LIMCH1: variants seen among roughly 807,000 people sequenced by gnomAD.
LIMCH1 encodes the protein LIM and calponin homology domains-containing protein 1.
Under a neutral mutation model 176.5 loss-of-function variants are expected in LIMCH1, and 113 were observed. The observed-to-expected ratio is 0.64, with a 90% CI of 0.55 to 0.75. The LOEUF (loss-of-function observed/expected upper bound fraction) is 0.75, where lower values mean the gene tolerates loss of function less well. Ranked by LOEUF, LIMCH1 falls within the 30% of genes least tolerant of loss-of-function variation. LIMCH1 has a pLI of 0.00. For synonymous variants in LIMCH1, 619 were observed against 645.9 expected, an observed-to-expected ratio of 0.96 and a Z score of 0.63; for missense variants, 1,674 against 1,814.9, an observed-to-expected ratio of 0.92 and a Z score of 1.41.
intron 1 of LIMCH1, among the ~76,000 whole-genome samples, chr4:41,419,693 TTCCTTCCTTCCTTCCTTCCTTCCTTCC>T (rs2060420547): frequency 1.2e-5 from 1 of 81,552 alleles, no homozygotes; most frequent in African/African-American, 8.0e-5. Context: ...CCTTCCTTCC[TTCCTTCCTTCCTTCCTTCCTTCCTTCC>T]TCCTTCCTTT....
In LIMCH1 at chr4:41,696,603, A is replaced by T. The variant is rs182571324; in HGVS notation, c.4379-557A>T. Among the ~76,000 whole-genome samples the T allele has an allele frequency of 3.3e-5, 5 of 152,306 alleles. No homozygotes were observed. The East Asian group carries it at 7.7e-4, about 24-fold the overall frequency. Reference sequence around the variant, plus strand: ...ATATTGCATGCTCTGGATTTAACATAAGTATGTCCCAAATATCATATGGAT... The same window carrying T: ...ATATTGCATGCTCTGGATTTAACATTAGTATGTCCCAAATATCATATGGAT... On this transcript the variant is annotated intron_variant, in intron 31 of 31. Transcript: ENST00000503057.
At chr4:41,482,188 C>G (rs750382327) in intron 1 of LIMCH1, among the ~76,000 whole-genome samples, 4 of 152,012 alleles carry the variant, frequency 2.6e-5, no homozygotes, top group Non-Finnish European at 5.9e-5. Context: ...CTTAGGTACC[C>G]AAGTAGAGAT....
At chr4:41,377,023 A>G (rs2054867218) in intron 1 of LIMCH1, among the ~76,000 whole-genome samples, 1 of 152,250 alleles carries the variant, frequency 6.6e-6, no homozygotes, top group Non-Finnish European at 1.5e-5. Flanking sequence ...TTGAGCTCCC[A>G]AGGTATGTAA....
At chr4:41,646,054 C>T (rs201953172) in intron 15 of LIMCH1, 69 bp from the exon 16 acceptor site, 116 of 1,487,446 alleles carry the variant, frequency 7.8e-5, no homozygotes, top group Admixed American at 6.1e-4. Flanking sequence ...AATGACTAAA[C>T]TCTGAAGAAT....
At chr4:41,564,438 T>C (rs2082446879) in intron 1 of LIMCH1, among the ~76,000 whole-genome samples, 1 of 152,206 alleles carries the variant, frequency 6.6e-6, no homozygotes, top group Non-Finnish European at 1.5e-5. Context: ...TAGTAAATAC[T>C]TATTGAGTAC....
chr4:41,466,164 G>A (rs946878927), intron 1 of LIMCH1, among the ~76,000 whole-genome samples: 7 of 152,082 alleles, frequency 4.6e-5, no homozygotes, highest in Admixed American at 4.6e-4. Context: ...TCACCATGTT[G>A]GCCAGGATGG....
At position 41,360,925 on chromosome 4, in the gene LIMCH1, A is replaced by T. The variant is rs2051885301; in HGVS notation, c.85A>T (p.Lys29Ter). 7 of 1,582,298 alleles carry T rather than the reference A, an allele frequency of 4.4e-6. No individual in the cohort carries two copies. The highest frequency in any genetic ancestry group is 4.3e-6 in the Non-Finnish European group (5 of 1,167,552). The change falls in exon 1 of 27, where the codon AAG becomes TAG. Residue 29 changes from lysine (K) to a stop codon, truncating the protein, a stop_gained. Transcript: ENST00000313860. LOFTEE classifies it high-confidence loss of function. The surrounding 1 kb of genome is among the most constrained non-coding windows in gnomAD (Gnocchi z 4.5). Reference sequence around the variant, plus strand: ...CGAGCCCGCCTTCTCCGAGGCGCAGAAGTGGATTGAGGTAGGTGCGGGTGG... The same window carrying T: ...CGAGCCCGCCTTCTCCGAGGCGCAGTAGTGGATTGAGGTAGGTGCGGGTGG...
At chr4:41,429,817 G>A (rs1360278432) in intron 1 of LIMCH1, among the ~76,000 whole-genome samples, 1 of 152,172 alleles carries the variant, frequency 6.6e-6, no homozygotes. Context: ...CTTCATGTAG[G>A]CCTTCATGTA....
rs1376214930 is a variant in LIMCH1 at position 41,599,006 on chromosome 4, A to C, written c.-154A>C. ...TTGACCCGAGTGACCTCCAGGATAC[A>C]TCCAACAGAGTAACAGTCAAGTAAG... On this transcript the variant is annotated 5_prime_UTR_variant, in exon 2 of 32. Transcript: ENST00000503057. 1 of 1,608,802 alleles carries C rather than the reference A, an allele frequency of 6.2e-7. No homozygotes were observed. The highest frequency in any genetic ancestry group is 1.3e-5 in the African/African-American group (1 of 74,802).
chr4:41,692,143 C>T (rs1331674480), intron 30 of LIMCH1, 139 bp from the exon 31 acceptor site: 2 of 609,666 alleles, frequency 3.3e-6, no homozygotes, highest in Non-Finnish European at 5.9e-6. Context: ...ACTGGTGCAG[C>T]ATCTTACACA....
intron 1 of LIMCH1, among the ~76,000 whole-genome samples, chr4:41,471,117 A>T (rs936379316): frequency 1.3e-5 from 2 of 151,446 alleles, no homozygotes; most frequent in Non-Finnish European, 2.9e-5. Context: ...TAAAATAGTC[A>T]TGTGAAAAAT....
At chr4:41,399,326 AG>A (rs1329124991) in intron 1 of LIMCH1, among the ~76,000 whole-genome samples, 1 of 152,190 alleles carries the variant, frequency 6.6e-6, no homozygotes, top group African/African-American at 2.4e-5. Context: ...GAGAGGATGA[AG>A]GGGGCAGAGA....
chr4:41,401,089 C>T (rs953517174), intron 1 of LIMCH1, among the ~76,000 whole-genome samples: 1 of 152,158 alleles, frequency 6.6e-6, no homozygotes, highest in Non-Finnish European at 1.5e-5. Context: ...TGGTGTTTTA[C>T]ACATGAAGTC....
rs577672595 is a variant in LIMCH1, at chr4:41,504,620, C to T, written c.167+10014C>T. 5.9e-5 allele frequency among the ~76,000 whole-genome samples: 9 copies of T among 152,300 alleles called. No homozygotes were observed. In the East Asian group the frequency reaches 7.7e-4, roughly 13 times the overall value. On this transcript the variant is annotated intron_variant, in intron 2 of 26. Transcript: ENST00000313860. The stretch of plus-strand genomic sequence containing the variant: ...ACTCTTCATGGCTATTTGTAGCTTG[C>T]GCATAGAGAAATGCAAAGCCAAGTT...
chr4:41,652,320 C>CAAATGGG (rs1388661880), intron 18 of LIMCH1, among the ~76,000 whole-genome samples: 1 of 151,996 alleles, frequency 6.6e-6, no homozygotes, highest in East Asian at 1.9e-4. Flanking sequence ...GAAAGAGATT[C>CAAATGGG]AAATGGGAGT....
intron 1 of LIMCH1, among the ~76,000 whole-genome samples, chr4:41,542,856 C>T (rs952402810): frequency 5.3e-5 from 8 of 152,102 alleles, no homozygotes; most frequent in Non-Finnish European, 7.4e-5. Flanking sequence ...TATGAGTCAA[C>T]GCCAATAAAT....
chr4:41,380,501 G>A lies in LIMCH1; in HGVS notation c.96+19565G>A, dbSNP rs993840701. On this transcript the variant is annotated intron_variant, in intron 1 of 26. Coordinates refer to the LIMCH1 transcript ENST00000313860. ...TCTTTTTTTTTTTTTAGATAAGCAT[G>A]TAATAATAATTACTGCCTCCCTGCT... is the stretch of plus-strand genomic sequence containing the variant. 4.7e-5 allele frequency among the ~76,000 whole-genome samples: 7 copies of A among 150,476 alleles called. 1 individual carries two copies. The highest frequency in any genetic ancestry group is 1.7e-4 in the African/African-American group (7 of 40,912).
At chr4:41,492,708 A>T (rs2071314890) in intron 1 of LIMCH1, among the ~76,000 whole-genome samples, 1 of 152,164 alleles carries the variant, frequency 6.6e-6, no homozygotes, top group African/African-American at 2.4e-5. Context: ...TTGAAGAGAG[A>T]TATATAAATC....
At chr4:41,459,532 G>T (rs972115806) in intron 1 of LIMCH1, among the ~76,000 whole-genome samples, 10 of 152,130 alleles carry the variant, frequency 6.6e-5, no homozygotes, top group Non-Finnish European at 1.5e-4. Context: ...GAACTTCTGG[G>T]CTCAAGCAGT....
Sources: gnomAD v4.1 joint callset for allele counts (sites outside exome capture counted in the v4.1 genomes callset) on GRCh38, gnomAD v4.1.1 for gene constraint, Gnocchi (gnomAD v3.1) non-coding constraint, MANE v1.5 for transcripts, NCBI Gene and HGNC (gene_info 2026-07-23, HGNC 2026-07-21) for gene names.